Variants in CCDC171 observed in about 807,000 individuals in gnomAD.
CCDC171 encodes the protein coiled-coil domain-containing protein 171.
In CCDC171, 177 loss-of-function variants were observed where a neutral mutation model predicts 168.2. That is an observed-to-expected ratio of 1.05 (90% CI 0.93 to 1.19). The LOEUF (loss-of-function observed/expected upper bound fraction) is 1.19. Ranked by LOEUF, CCDC171 falls within the 50% of genes most tolerant of loss-of-function variation. The probability of loss-of-function intolerance (pLI) is 0.00; values close to 1 mark genes in which losing one functional copy is unlikely to be tolerated. For missense variants in CCDC171, 1,991 were observed against 1,539.0 expected, an observed-to-expected ratio of 1.29 and a Z score of -4.91; for synonymous variants, 687 against 540.8, an observed-to-expected ratio of 1.27 and a Z score of -3.75.
chr9:16,095,213 T>A, the CCDC171 span, among the ~76,000 whole-genome samples: 1 of 152,134 alleles, frequency 6.6e-6, no homozygotes, highest in East Asian at 1.9e-4. Context: ...AATGTGAAGC[T>A]CCCTCAGGAG....
At chr9:15,818,210 A>G (rs1320777389) in intron 21 of CCDC171, among the ~76,000 whole-genome samples, 2 of 116,902 alleles carry the variant, frequency 1.7e-5, no homozygotes, top group East Asian at 4.2e-4. Flanking sequence ...ACCATCATCA[A>G]AGACCAAAGG....
intron 10 of CCDC171, among the ~76,000 whole-genome samples, chr9:15,694,496 AG>A (rs2051063598): frequency 6.6e-6 from 1 of 152,234 alleles, no homozygotes; most frequent in Admixed American, 6.5e-5. Flanking sequence ...GAAGCAAGCA[AG>A]TAAACAAACA....
At chr9:15,707,939 C>T (rs2052370097) in intron 11 of CCDC171, among the ~76,000 whole-genome samples, 1 of 152,200 alleles carries the variant, frequency 6.6e-6, no homozygotes, top group South Asian at 2.1e-4. Flanking sequence ...CCTCCACCTC[C>T]TGGGTTTAAG....
intron 7 of CCDC171, among the ~76,000 whole-genome samples, chr9:15,639,758 ATCTT>A (rs1331480253): frequency 6.6e-6 from 1 of 152,290 alleles, no homozygotes; most frequent in African/African-American, 2.4e-5. Context: ...AGAACTCTGA[ATCTT>A]TCTATGTTCT....
At chr9:15,999,231 G>A (rs533607163) in intron 3 of CCDC171, among the ~76,000 whole-genome samples, 106 of 145,552 alleles carry the variant, frequency 7.3e-4, no homozygotes, top group African/African-American at 2.5e-3. Context: ...AAAAGAGGAA[G>A]AAAGATAGAA....
intron 3 of CCDC171, among the ~76,000 whole-genome samples, chr9:15,989,278 C>G (rs750225485): frequency 2.6e-5 from 4 of 152,146 alleles, no homozygotes; most frequent in Non-Finnish European, 5.9e-5. Context: ...GCAATACTCA[C>G]TATTCTGCAG....
At chr9:15,593,371 T>A (rs2042128119) in intron 5 of CCDC171, among the ~76,000 whole-genome samples, 1 of 152,194 alleles carries the variant, frequency 6.6e-6, no homozygotes, top group Non-Finnish European at 1.5e-5. Context: ...CCGAATTAGA[T>A]CTTGCAGTAC....
At chr9:16,050,701 A>G (rs1281731117) in intron 1 of CCDC171, among the ~76,000 whole-genome samples, 3 of 152,248 alleles carry the variant, frequency 2.0e-5, no homozygotes, top group Admixed American at 6.5e-5. Flanking sequence ...ATGTCCATAA[A>G]AATGTTGAAA....
At chr9:16,075,610 G>A in the CCDC171 span, among the ~76,000 whole-genome samples, 1 of 152,138 alleles carries the variant, frequency 6.6e-6, no homozygotes, top group African/African-American at 2.4e-5. Context: ...CCTAAAGAGG[G>A]ACAGGGTAAG....
chr9:15,997,623 C>G (rs1338909850), intron 3 of CCDC171, among the ~76,000 whole-genome samples: 1 of 152,076 alleles, frequency 6.6e-6, no homozygotes, highest in Non-Finnish European at 1.5e-5. Context: ...TGTATTTGAT[C>G]TAAGTGCTAT....
chr9:15,571,745 A>C lies in CCDC171; in HGVS notation c.163A>C (p.Lys55Gln). ...AKKEKLEITT[K>Q]HNAELASYES... is the part of the protein sequence containing the mutation. The stretch of plus-strand genomic sequence containing the variant: ...AAAAGAAAAGTTAGAAATAACAACC[A>C]AACACAATGCAGAGGTACGATTTAT... Residue 55 changes from lysine (K) to glutamine (Q), a missense_variant, in exon 3 of 26, where the codon AAA becomes CAA. Physicochemically the swap from Lys to Gln is moderately conservative, Grantham distance 53. Coordinates refer to ENST00000380701, the MANE Select transcript of CCDC171 (RefSeq NM_173550.4). The C allele has an allele frequency of 6.3e-7, 1 of 1,584,780 alleles. No homozygotes were observed. Among genetic ancestry groups the C allele is most frequent in the Non-Finnish European group, 8.5e-7 (1 of 1,172,956 alleles).
intron 23 of CCDC171, among the ~76,000 whole-genome samples, chr9:15,852,358 A>G (rs749470773): frequency 2.6e-5 from 4 of 151,780 alleles, no homozygotes; most frequent in Admixed American, 2.0e-4. Context: ...TCATGTGATT[A>G]TTGATTATTT....
chr9:15,567,647 A>C (rs2039857944), intron 2 of CCDC171, among the ~76,000 whole-genome samples: 1 of 152,004 alleles, frequency 6.6e-6, no homozygotes, highest in Non-Finnish European at 1.5e-5. Flanking sequence ...TTTCAGTGTA[A>C]AAATCTTTCA....
intron 7 of CCDC171, among the ~76,000 whole-genome samples, chr9:15,625,340 T>A (rs1012809297): frequency 6.6e-6 from 1 of 152,246 alleles, no homozygotes; most frequent in African/African-American, 2.4e-5. Flanking sequence ...ATTTGTCAAT[T>A]TTGGCTTTTG....
chr9:15,795,035 T>G (rs970188444), intron 21 of CCDC171, among the ~76,000 whole-genome samples: 9 of 152,218 alleles, frequency 5.9e-5, no homozygotes, highest in Non-Finnish European at 1.2e-4. Context: ...TTTGTGTTGC[T>G]ATGACAAAAT....
At chr9:15,587,926 A>T (rs1383291077) in intron 4 of CCDC171, among the ~76,000 whole-genome samples, 1 of 152,204 alleles carries the variant, frequency 6.6e-6, no homozygotes, top group African/African-American at 2.4e-5. Flanking sequence ...GTTATAAAAG[A>T]TGAAATCTAT....
Position 16,024,274 on chromosome 9 carries a change from A to C in CCDC171, n.998+1366A>C, listed in dbSNP as rs145373096. 5.0e-4 allele frequency among the ~76,000 whole-genome samples: 76 copies of C among 152,310 alleles called. No homozygotes were observed. The East Asian group carries it at 0.014, about 28-fold the overall frequency. On this transcript the variant is annotated intron_variant and non_coding_transcript_variant, in intron 6 of 9. Coordinates refer to the CCDC171 transcript ENST00000486641. ...AGTAAACTTACAGTAATTTGTTACA[A>C]TAAAAATAGGAAACTAATACAATAC...
At chr9:15,678,024 C>G (rs1015825745) in intron 9 of CCDC171, among the ~76,000 whole-genome samples, 3 of 148,644 alleles carry the variant, frequency 2.0e-5, no homozygotes, top group African/African-American at 5.0e-5. Flanking sequence ...ATCCTCCTGC[C>G]TCAGCCTCCT....
At chr9:16,071,412 C>T in the CCDC171 span, among the ~76,000 whole-genome samples, 1,471 of 152,310 alleles carry the variant, frequency 9.7e-3, 13 homozygotes, top group South Asian at 0.02. Flanking sequence ...AAGCCCTCGA[C>T]CTTCAGTGTT....
Sources: allele counts gnomAD v4.1 joint callset (sites outside exome capture counted in the v4.1 genomes callset), GRCh38; gene constraint gnomAD v4.1.1; transcripts MANE v1.5; gene names NCBI Gene and HGNC (gene_info 2026-07-23, HGNC 2026-07-21).